The following DNAJC24 variants were observed in gnomAD, a reference collection of about 807,000 sequenced individuals.
DNAJC24 encodes the protein dnaJ homolog subfamily C member 24.
Under a neutral mutation model 18.0 loss-of-function variants are expected in DNAJC24, and 17 were observed. The ratio of observed to expected loss-of-function variants is 0.94; its 90% CI spans 0.65 to 1.42. DNAJC24 has a LOEUF of 1.42. DNAJC24 is among the 40% of genes most tolerant of loss of function. The pLI, the probability that DNAJC24 is intolerant of heterozygous loss-of-function variation, is 0.00. For synonymous variants in DNAJC24, 55 were observed against 57.7 expected (o/e 0.95, Z 0.21); for missense variants, 158 against 175.6 (o/e 0.90, Z 0.57).
At position 31,429,425 on chromosome 11, in the gene DNAJC24, AT is replaced by A. The variant is rs1310427254; in HGVS notation, c.320-845del. On this transcript the variant is annotated intron_variant, in intron 4 of 4. Coordinates refer to ENST00000465995, the MANE Select transcript of DNAJC24 (RefSeq NM_181706.5). ...GAGTCCTTTGAGACTTATTTATGTA[AT>A]AATCAATTATAATGGTGGTAAAATA... 12 of 360,388 alleles carry A rather than the reference AT, an allele frequency of 3.3e-5. No homozygotes were observed. In the East Asian group the frequency reaches 9.1e-4, roughly 27 times the overall value. The allele number at this position is 360,388 out of a possible 1,614,324, so 22.3% of individuals were successfully genotyped here.
Position 31,405,531 on chromosome 11 carries a change from A to T in DNAJC24, c.112-9280A>T, listed in dbSNP as rs374786430. Among the ~76,000 whole-genome samples, 9 of 152,150 alleles carry T rather than the reference A, an allele frequency of 5.9e-5. No homozygotes were observed. In the East Asian group the frequency reaches 1.5e-3, roughly 26 times the overall value. On this transcript the variant is annotated intron_variant, in intron 2 of 4. Coordinates refer to ENST00000465995, the MANE Select transcript of DNAJC24 (RefSeq NM_181706.5). The stretch of plus-strand genomic sequence containing the variant: ...TTTTTTGCATCACCCAGGCTGGAGT[A>T]TAGTGGTACAATCATCGCTCACCAT...
At chr11:31,389,952 T>C (rs1952472151) in intron 2 of DNAJC24, among the ~76,000 whole-genome samples, 1 of 152,164 alleles carries the variant, frequency 6.6e-6, no homozygotes, top group Non-Finnish European at 1.5e-5. Flanking sequence ...GAAAAATTTC[T>C]TGAAACAAAT....
chr11:31,432,364 A>G lies in DNAJC24; in HGVS notation c.*1963A>G. 1 of 590,446 alleles carries G rather than the reference A, an allele frequency of 1.7e-6. No individual in the cohort carries two copies. Among genetic ancestry groups the G allele is most frequent in the Non-Finnish European group, 3.0e-6 (1 of 336,918 alleles). The allele number at this position is 590,446 out of a possible 1,614,324, so 36.6% of individuals were successfully genotyped here. ...CAGAACTTGGCAGAATGTGTGTTGA[A>G]TATTCTTTACATTTAACAATTAAAA... On this transcript the variant is annotated 3_prime_UTR_variant, in exon 5 of 5. Transcript: ENST00000465995.
At chr11:31,390,229 C>G (rs1471422467) in intron 2 of DNAJC24, among the ~76,000 whole-genome samples, 1 of 151,930 alleles carries the variant, frequency 6.6e-6, no homozygotes, top group East Asian at 1.9e-4. Flanking sequence ...AACCCTGTCT[C>G]TACTAAATAT....
At chr11:31,426,657 ATGTAGTAT>A in intron 4 of DNAJC24, 1 of 234,528 alleles carries the variant, frequency 4.3e-6, no homozygotes, top group East Asian at 9.1e-5. Context: ...ATTACTGTCT[ATGTAGTAT>A]TGTAGTATGG....
intron 2 of DNAJC24, among the ~76,000 whole-genome samples, chr11:31,406,052 A>C (rs1309929788): frequency 6.7e-6 from 1 of 149,518 alleles, no homozygotes; most frequent in Non-Finnish European, 1.5e-5. Flanking sequence ...GAAATTTAAC[A>C]TGAGTTTTGG....
rs1225844825 is a variant in DNAJC24, at chr11:31,406,753, G to C, written c.112-8058G>C. Among the ~76,000 whole-genome samples, 3 of 152,168 alleles carry C rather than the reference G, an allele frequency of 2.0e-5. No homozygotes were observed. In the East Asian group the frequency reaches 5.8e-4, roughly 29 times the overall value. ...TGGGGACTAGTTAGGAGCTAATGTT[G>C]GTCTGTACTAGGTTTGGTATTGGGA... On this transcript the variant is annotated intron_variant, in intron 2 of 4. Transcript: ENST00000465995.
At chr11:31,380,346 C>T (rs1952364623) in intron 2 of DNAJC24, among the ~76,000 whole-genome samples, 1 of 151,942 alleles carries the variant, frequency 6.6e-6, no homozygotes, top group African/African-American at 2.4e-5. Context: ...ACTTACAGAC[C>T]AAAAATCATT....
chr11:31,384,224 G>A (rs2133472811), intron 2 of DNAJC24, among the ~76,000 whole-genome samples: 1 of 152,232 alleles, frequency 6.6e-6, no homozygotes, highest in African/African-American at 2.4e-5. Context: ...ACAACTCAAA[G>A]AACTTCTTGA....
chr11:31,409,094 C>G (rs931338711), intron 2 of DNAJC24, among the ~76,000 whole-genome samples: 1 of 152,156 alleles, frequency 6.6e-6, no homozygotes, highest in East Asian at 1.9e-4. Flanking sequence ...GTGTGTAATT[C>G]AAGCTTTTCA....
rs1591928308 is a variant in DNAJC24 at position 31,432,782 on chromosome 11, C to T, written c.*2381C>T. Among the ~76,000 whole-genome samples, 2 of 152,238 alleles carry T rather than the reference C, an allele frequency of 1.3e-5. No homozygotes were observed. The highest frequency in any genetic ancestry group is 4.8e-5 in the African/African-American group (2 of 41,544). Reference sequence around the variant, plus strand: ...AACTCCAAAGTTTGGGACATTCAAACAATGTACATGAAATTATATGTGTGT... The same window carrying T: ...AACTCCAAAGTTTGGGACATTCAAATAATGTACATGAAATTATATGTGTGT... On this transcript the variant is annotated 3_prime_UTR_variant, in exon 5 of 5. Transcript: ENST00000465995.
rs898434442 is a variant in DNAJC24 at position 31,372,989 on chromosome 11, A to G, written c.111+2130A>G. ...TGGGGTTGTTGCTTTTTTAAAATTTATCTGATGACTAATGATGTTGAGCCC... is the reference window on the plus strand; with the variant it reads ...TGGGGTTGTTGCTTTTTTAAAATTTGTCTGATGACTAATGATGTTGAGCCC... On this transcript the variant is annotated intron_variant, in intron 2 of 4. Transcript: ENST00000465995. 4.5e-5 allele frequency among the ~76,000 whole-genome samples: 6 copies of G among 134,610 alleles called. 1 individual carries two copies. In the Admixed American group the frequency reaches 4.6e-4, roughly 10 times the overall value. The allele number at this position is 134,610 out of a possible 152,430, so 88.3% of individuals were successfully genotyped here.
At chr11:31,397,003 C>A (rs1952548330) in intron 2 of DNAJC24, among the ~76,000 whole-genome samples, 1 of 152,242 alleles carries the variant, frequency 6.6e-6, no homozygotes, top group Non-Finnish European at 1.5e-5. Flanking sequence ...CCATAGCCAA[C>A]TCTATGCATC....
chr11:31,399,413 T>C (rs1393556419), intron 2 of DNAJC24, among the ~76,000 whole-genome samples: 2 of 150,830 alleles, frequency 1.3e-5, no homozygotes, highest in Non-Finnish European at 3.0e-5. Context: ...CTCTTAATTC[T>C]CTTTTTTTTT....
intron 2 of DNAJC24, chr11:31,384,565 G>A (rs960917420): frequency 2.6e-5 from 4 of 152,180 alleles, no homozygotes; most frequent in South Asian, 2.1e-4. Context: ...GTTGCAGTAC[G>A]GTTCTCCCTT....
chr11:31,390,293 G>A (rs1206488637), intron 2 of DNAJC24, among the ~76,000 whole-genome samples: 1 of 151,658 alleles, frequency 6.6e-6, no homozygotes, highest in African/African-American at 2.4e-5. Flanking sequence ...CTAGTAGGGG[G>A]GCTGAGGCAG....
intron 2 of DNAJC24, among the ~76,000 whole-genome samples, chr11:31,400,462 A>C (rs893179880): frequency 3.3e-5 from 5 of 152,186 alleles, no homozygotes; most frequent in Admixed American, 6.5e-5. Context: ...GTATCACGCT[A>C]CCTGACTTCA....
intron 2 of DNAJC24, among the ~76,000 whole-genome samples, chr11:31,387,470 A>T (rs974081711): frequency 6.6e-6 from 1 of 152,138 alleles, no homozygotes; most frequent in Non-Finnish European, 1.5e-5. Context: ...AATCCAGGGA[A>T]TTCTCCCAGA....
In DNAJC24 at chr11:31,378,778, G is replaced by A. The variant is rs956087769; in HGVS notation, c.111+7919G>A. ...AGTTAAGCGTGAGCTCTAGAGGGAG[G>A]GAAGGAAATTACACTAGAAACTTGG... On this transcript the variant is annotated intron_variant, in intron 2 of 4. Transcript: ENST00000465995. 3.9e-5 allele frequency among the ~76,000 whole-genome samples: 6 copies of A among 152,052 alleles called. No homozygotes were observed. In the South Asian group the frequency reaches 1.2e-3, roughly 31 times the overall value.
Sources: gnomAD v4.1 joint callset for allele counts (sites outside exome capture counted in the v4.1 genomes callset) on GRCh38, gnomAD v4.1.1 for gene constraint, MANE v1.5 for transcripts, NCBI Gene and HGNC (gene_info 2026-07-23, HGNC 2026-07-21) for gene names.